Variants in THSD7B observed in about 807,000 individuals in gnomAD.
THSD7B encodes thrombospondin type 1 domain containing 7B.
A neutral mutation model predicts 213.6 loss-of-function variants in THSD7B; 138 were observed. The observed-to-expected ratio is 0.65, with a 90% CI of 0.56 to 0.74. The LOEUF is 0.74. THSD7B is among the 30% of genes least tolerant of loss of function. The pLI is 0.00. For synonymous variants in THSD7B, 742 were observed against 687.0 expected, an observed-to-expected ratio of 1.08 and a Z score of -1.25; for missense variants, 1,931 against 1,991.5, an observed-to-expected ratio of 0.97 and a Z score of 0.58.
At chr2:137,056,059 A>G (rs1687157126) in intron 2 of THSD7B, among the ~76,000 whole-genome samples, 1 of 152,250 alleles carries the variant, frequency 6.6e-6, no homozygotes, top group Admixed American at 6.5e-5. Context: ...TTTGGAACGT[A>G]GTAGTTATAA....
At chr2:137,467,194 TATA>T (rs1275707332) in intron 15 of THSD7B, among the ~76,000 whole-genome samples, 1 of 152,150 alleles carries the variant, frequency 6.6e-6, no homozygotes, top group Non-Finnish European at 1.5e-5. Context: ...TATAGAAATC[TATA>T]ATATTTGTCT....
chr2:137,493,487 C>T (rs1679481574), intron 15 of THSD7B, among the ~76,000 whole-genome samples: 1 of 152,178 alleles, frequency 6.6e-6, no homozygotes, highest in South Asian at 2.1e-4. Flanking sequence ...CCTGCCTGCA[C>T]TTCTTACTTT....
intron 2 of THSD7B, among the ~76,000 whole-genome samples, chr2:136,988,026 C>T (rs1685698882): frequency 6.6e-6 from 1 of 152,156 alleles, no homozygotes; most frequent in African/African-American, 2.4e-5. Flanking sequence ...AATATGCATT[C>T]CATAAAATTC....
At chr2:137,170,577 T>G (rs1208109509) in intron 6 of THSD7B, among the ~76,000 whole-genome samples, 164 bp from the exon 7 acceptor site, 1 of 152,146 alleles carries the variant, frequency 6.6e-6, no homozygotes, top group African/African-American at 2.4e-5. Context: ...CTTTTTTTTC[T>G]ACATCTCATC....
intron 10 of THSD7B, among the ~76,000 whole-genome samples, chr2:137,267,502 C>A (rs540705622): frequency 5.9e-5 from 9 of 151,800 alleles, no homozygotes; most frequent in African/African-American, 2.2e-4. Flanking sequence ...CTACCTCCCC[C>A]CCAAATCCCC....
chr2:137,193,166 C>A (rs982954429), intron 7 of THSD7B, among the ~76,000 whole-genome samples: 4 of 152,108 alleles, frequency 2.6e-5, no homozygotes, highest in Non-Finnish European at 5.9e-5. Context: ...TGATGAGTCA[C>A]CCTGCCACGC....
chr2:137,272,013 ATATATGGT>A (rs1558737826), intron 10 of THSD7B, among the ~76,000 whole-genome samples: 1 of 152,158 alleles, frequency 6.6e-6, no homozygotes. Flanking sequence ...CCAATTATAT[ATATATGGT>A]TATAAGGTTA....
chr2:137,463,198 G>T (rs1193644650), intron 15 of THSD7B, among the ~76,000 whole-genome samples: 1 of 152,126 alleles, frequency 6.6e-6, no homozygotes, highest in Non-Finnish European at 1.5e-5. Context: ...AGACAGCAAG[G>T]ACCATGTAGC....
intron 14 of THSD7B, among the ~76,000 whole-genome samples, chr2:137,414,987 C>A (rs116409358): frequency 6.9e-6 from 1 of 144,940 alleles, no homozygotes; most frequent in African/African-American, 2.5e-5. Flanking sequence ...ACTTCGTAGG[C>A]GGAAATTGCA....
chr2:137,326,189 C>G (rs1034337893), intron 12 of THSD7B, among the ~76,000 whole-genome samples: 1 of 152,078 alleles, frequency 6.6e-6, no homozygotes, highest in Non-Finnish European at 1.5e-5. Flanking sequence ...TAGCTTCTAT[C>G]GAGACCCATG....
chr2:136,779,501 C>T (rs778078474), intron 1 of THSD7B, among the ~76,000 whole-genome samples: 2 of 152,060 alleles, frequency 1.3e-5, no homozygotes. Flanking sequence ...GAATTGTCTC[C>T]ATTATGCTGA....
At chr2:137,435,891 T>G (rs906930313) in intron 14 of THSD7B, among the ~76,000 whole-genome samples, 6 of 152,152 alleles carry the variant, frequency 3.9e-5, no homozygotes, top group African/African-American at 1.4e-4. Flanking sequence ...GGATTCAGCC[T>G]AACTTTCCAG....
At chr2:137,579,658 T>A (rs1008473206) in intron 17 of THSD7B, among the ~76,000 whole-genome samples, 3 of 152,184 alleles carry the variant, frequency 2.0e-5, no homozygotes, top group Non-Finnish European at 4.4e-5. Flanking sequence ...TAATTCCTTT[T>A]TCAGTTTTAC....
At chr2:137,518,505 A>G (rs1289995877) in intron 15 of THSD7B, among the ~76,000 whole-genome samples, 1 of 152,200 alleles carries the variant, frequency 6.6e-6, no homozygotes, top group Non-Finnish European at 1.5e-5. Context: ...AAAATTGGTG[A>G]CCAAAAAATT....
chr2:137,549,214 T>G (rs1680795330), intron 15 of THSD7B, among the ~76,000 whole-genome samples: 1 of 151,948 alleles, frequency 6.6e-6, no homozygotes, highest in Admixed American at 6.6e-5. Flanking sequence ...CTGAGATCCG[T>G]TAACTGATCT....
At chr2:137,215,940 A>G (rs11890926) in intron 7 of THSD7B, among the ~76,000 whole-genome samples, 90,806 of 152,018 alleles carry the variant, frequency 0.6, 27,539 homozygotes, top group South Asian at 0.71. Context: ...TGCAGTGTCA[A>G]TGTTTCAATA....
At chr2:137,155,037 A>C (rs1294763406) in intron 5 of THSD7B, among the ~76,000 whole-genome samples, 1 of 152,234 alleles carries the variant, frequency 6.6e-6, no homozygotes, top group Non-Finnish European at 1.5e-5. Context: ...TGAAAATTCC[A>C]GTTTAGACAC....
intron 1 of THSD7B, among the ~76,000 whole-genome samples, chr2:136,821,606 G>T (rs148249884): frequency 3.9e-5 from 6 of 152,304 alleles, no homozygotes; most frequent in East Asian, 1.9e-4. Flanking sequence ...GGTGGAGAAG[G>T]TCCCTTTCTT....
At chr2:137,168,666 A>T (rs754965788) in intron 6 of THSD7B, among the ~76,000 whole-genome samples, 4 of 152,218 alleles carry the variant, frequency 2.6e-5, no homozygotes, top group South Asian at 4.1e-4. Flanking sequence ...AGAATCCTTC[A>T]TAAAGACTTC....
Sources: allele counts gnomAD v4.1 joint callset (sites outside exome capture counted in the v4.1 genomes callset), GRCh38; gene constraint gnomAD v4.1.1; transcripts MANE v1.5; gene names NCBI Gene and HGNC (gene_info 2026-07-23, HGNC 2026-07-21).